Variants in P3H2 observed in about 807,000 individuals in gnomAD.
P3H2 encodes prolyl 3-hydroxylase 2, also known as leprecan-like 1.
Under a neutral mutation model 87.0 loss-of-function variants are expected in P3H2, and 80 were observed. That is an observed-to-expected ratio of 0.92 (90% CI 0.77 to 1.11). The LOEUF (loss-of-function observed/expected upper bound fraction) is 1.11. Ranked by LOEUF, P3H2 falls within the 50% of genes least tolerant of loss-of-function variation. The probability of loss-of-function intolerance (pLI) is 0.00; values close to 1 mark genes in which losing one functional copy is unlikely to be tolerated. For synonymous variants in P3H2, 367 were observed against 359.3 expected (o/e 1.02, Z -0.24); for missense variants, 1,001 against 923.9 (o/e 1.08, Z -1.08).
At chr3:190,060,100 C>T (rs1726288893) in intron 1 of P3H2, among the ~76,000 whole-genome samples, 1 of 152,052 alleles carries the variant, frequency 6.6e-6, no homozygotes, top group Admixed American at 6.6e-5. Context: ...TAATCCAATG[C>T]CTGAAAAATA....
chr3:190,092,287 A>T (rs1426963640), intron 1 of P3H2, among the ~76,000 whole-genome samples: 1 of 152,148 alleles, frequency 6.6e-6, no homozygotes, highest in Non-Finnish European at 1.5e-5. Context: ...TCAAAGGAGA[A>T]ATACTTCAGC....
At position 189,999,277 on chromosome 3, in the gene P3H2, T is replaced by C. The variant is rs550808746; in HGVS notation, c.481-3835A>G. Among the ~76,000 whole-genome samples the C allele has an allele frequency of 2.6e-5, 4 of 152,324 alleles. No homozygotes were observed. The South Asian group carries it at 8.3e-4, about 32-fold the overall frequency. On this transcript the variant is annotated intron_variant, in intron 1 of 14. Transcript: ENST00000319332. ...CTTTATAGTCCAGAATTGAAGATAC[T>C]ACAATCTATAAAAAAAGATTCCATG...
chr3:190,074,867 C>G (rs1438123046), intron 1 of P3H2, among the ~76,000 whole-genome samples: 1 of 152,158 alleles, frequency 6.6e-6, no homozygotes, highest in Non-Finnish European at 1.5e-5. Context: ...AAAATATACA[C>G]AGATAATCAA....
intron 1 of P3H2, among the ~76,000 whole-genome samples, chr3:190,118,841 C>G (rs1376984248): frequency 6.6e-6 from 1 of 151,828 alleles, no homozygotes; most frequent in African/African-American, 2.4e-5. Flanking sequence ...GCCTATAATC[C>G]CAGCACTTTT....
chr3:190,053,282 TTGG>T (rs1391597172), intron 1 of P3H2, among the ~76,000 whole-genome samples: 10 of 152,304 alleles, frequency 6.6e-5, no homozygotes, highest in Non-Finnish European at 1.5e-4. Context: ...CATATCATAT[TTGG>T]TGAAGTGTCT....
intron 7 of P3H2, 33 bp from the exon 8 acceptor site, chr3:189,983,173 G>T (rs774804543): frequency 1.6e-5 from 24 of 1,500,102 alleles, no homozygotes; most frequent in Non-Finnish European, 2.0e-5. Context: ...ATGGCAATTT[G>T]TCATTGAATA....
rs748519329 is a variant in P3H2 at position 190,120,447 on chromosome 3, C to T, written c.285G>A (p.Pro95=). The change falls in exon 1 of 15, where the codon CCG becomes CCA. Residue 95 remains proline (P), a synonymous_variant. Transcript: ENST00000319332. ...ARHCAARHPL[P]PPPPGEGPGA... ...CGGGGCCCTCGCCGGGGGGCGGGGGCGGGAGCGGGTGGCGCGCCGCGCAGT... is the reference window on the plus strand; with the variant it reads ...CGGGGCCCTCGCCGGGGGGCGGGGGTGGGAGCGGGTGGCGCGCCGCGCAGT... 12 of 1,423,054 alleles carry T rather than the reference C, an allele frequency of 8.4e-6. No individual in the cohort carries two copies. The African/African-American group carries it at 1.4e-4, about 16-fold the overall frequency. The allele number at this position is 1,423,054 out of a possible 1,614,324, so 88.2% of individuals were successfully genotyped here. A position where few individuals can be genotyped will look rare whatever the true frequency, so the allele number is the denominator to read the frequency against.
In P3H2 at chr3:189,996,641, G is replaced by A. The variant is rs79675951; in HGVS notation, c.481-1199C>T. Among the ~76,000 whole-genome samples, 915 of 152,222 alleles carry A rather than the reference G, an allele frequency of 6.0e-3. 7 individuals carry two copies. The highest frequency in any genetic ancestry group is 0.021 in the African/African-American group (877 of 41,526). ...GATGTCACCAACATAAATGATAAGT[G>A]TTTTAGGCAACAGATTTGCTGATTA... On this transcript the variant is annotated intron_variant, in intron 1 of 14. Coordinates refer to ENST00000319332, the MANE Select transcript of P3H2 (RefSeq NM_018192.4).
rs74497787 is a variant in P3H2, at chr3:189,982,927, C to T, written c.1324+119G>A. ...TTCAGACTATTAGGGAGTGTAGTAG[C>T]TTAGTCTTATTCTTTATTTTCTAGA... On this transcript the variant is annotated intron_variant, in intron 8 of 14. Coordinates refer to ENST00000319332, the MANE Select transcript of P3H2 (RefSeq NM_018192.4). The T allele has an allele frequency of 3.9e-3, 3,050 of 786,336 alleles. 55 individuals carry two copies. In the African/African-American group the frequency reaches 0.044, roughly 11 times the overall value. 48.7% of individuals were successfully genotyped at this position (786,336 alleles called of 1,614,324 possible). A position where few individuals can be genotyped will look rare whatever the true frequency, so the allele number is the denominator to read the frequency against.
At chr3:190,085,894 T>C (rs1193218501) in intron 1 of P3H2, among the ~76,000 whole-genome samples, 2 of 152,196 alleles carry the variant, frequency 1.3e-5, no homozygotes, top group African/African-American at 4.8e-5. Context: ...ATTAATAGTA[T>C]GTAATGGTCT....
chr3:189,966,027 GAGAGAGAGAAAGAAAGA>G (rs1441117395), intron 13 of P3H2, among the ~76,000 whole-genome samples: 2 of 136,616 alleles, frequency 1.5e-5, no homozygotes, highest in African/African-American at 5.5e-5. Context: ...GAAAGAAAAA[GAGAGAGAGAAAGAAAGA>G]AAAGAAAGAA....
intron 1 of P3H2, among the ~76,000 whole-genome samples, chr3:190,060,549 T>A (rs1726299592): frequency 6.6e-6 from 1 of 152,204 alleles, no homozygotes; most frequent in Non-Finnish European, 1.5e-5. Flanking sequence ...TTATATTTTT[T>A]AATAGCTATC....
intron 3 of P3H2, among the ~76,000 whole-genome samples, chr3:189,992,806 GTTA>G (rs1264223101): frequency 4.6e-5 from 7 of 152,124 alleles, no homozygotes; most frequent in African/African-American, 1.7e-4. Context: ...ATATGTGTTG[GTTA>G]TTATTACTAC....
At chr3:190,114,312 T>C (rs989328797) in intron 1 of P3H2, among the ~76,000 whole-genome samples, 2 of 149,814 alleles carry the variant, frequency 1.3e-5, no homozygotes, top group Non-Finnish European at 3.0e-5. Context: ...GCCTCCCGAG[T>C]AGCTGGGACT....
chr3:190,047,448 G>T lies in P3H2; in HGVS notation c.481-52006C>A, dbSNP rs530440309. 2.6e-5 allele frequency among the ~76,000 whole-genome samples: 4 copies of T among 152,306 alleles called. No homozygotes were observed. The East Asian group carries it at 7.7e-4, about 29-fold the overall frequency. On this transcript the variant is annotated intron_variant, in intron 1 of 14. Transcript: ENST00000319332. Reference sequence around the variant, plus strand: ...ATCTGTACTCTCATGTTTATTGTAGGAGTATTCACAATAGCTAAGCTGTGA... The same window carrying T: ...ATCTGTACTCTCATGTTTATTGTAGTAGTATTCACAATAGCTAAGCTGTGA...
In P3H2 at chr3:190,017,631, C is replaced by A. The variant is rs150536004; in HGVS notation, c.481-22189G>T. ...CCGTTATGTGTTTGCCATCGAGCCA[C>A]ACCCCTAAGCCACAATGTATTATGC... On this transcript the variant is annotated intron_variant, in intron 1 of 14. Coordinates refer to ENST00000319332, the MANE Select transcript of P3H2 (RefSeq NM_018192.4). Among the ~76,000 whole-genome samples, 669 of 152,314 alleles carry A rather than the reference C, an allele frequency of 4.4e-3. 5 individuals carry two copies. The highest frequency in any genetic ancestry group is 0.016 in the African/African-American group (646 of 41,564).
intron 3 of P3H2, among the ~76,000 whole-genome samples, chr3:189,992,385 C>T (rs556562585): frequency 2.6e-5 from 4 of 152,192 alleles, no homozygotes; most frequent in African/African-American, 9.6e-5. Flanking sequence ...CATGAGCCAC[C>T]GCGCCCGGAT....
At chr3:190,023,729 G>A (rs1202904054) in intron 1 of P3H2, among the ~76,000 whole-genome samples, 2 of 152,262 alleles carry the variant, frequency 1.3e-5, no homozygotes, top group South Asian at 4.1e-4. Context: ...TTTGTTGGCA[G>A]TATTTAAAAG....
intron 8 of P3H2, among the ~76,000 whole-genome samples, chr3:189,977,059 C>T (rs1723370438): frequency 1.3e-5 from 2 of 152,108 alleles, no homozygotes. Context: ...TAATTGAATA[C>T]AATTCTCTCC....
Sources: gnomAD v4.1 joint callset for allele counts (sites outside exome capture counted in the v4.1 genomes callset) on GRCh38, gnomAD v4.1.1 for gene constraint, MANE v1.5 for transcripts, NCBI Gene and HGNC (gene_info 2026-07-23, HGNC 2026-07-21) for gene names.